The following ARRB1 variants were observed in gnomAD, a reference collection of about 807,000 sequenced individuals.
ARRB1 encodes beta-arrestin-1.
A neutral mutation model predicts 56.8 loss-of-function variants in ARRB1; 21 were observed. The observed-to-expected ratio is 0.37, with a 90% CI of 0.26 to 0.53. The LOEUF is 0.53. ARRB1 is among the 20% of genes least tolerant of loss of function. The probability of loss-of-function intolerance (pLI) is 0.88; values close to 1 mark genes in which losing one functional copy is unlikely to be tolerated. For synonymous variants in ARRB1, 210 were observed against 218.6 expected, an observed-to-expected ratio of 0.96 and a Z score of 0.35; for missense variants, 424 against 553.7, an observed-to-expected ratio of 0.77 and a Z score of 2.35.
intron 1 of ARRB1, among the ~76,000 whole-genome samples, chr11:75,346,365 G>C (rs1342891026): frequency 1.3e-5 from 2 of 152,122 alleles, no homozygotes; most frequent in East Asian, 3.8e-4. Context: ...ACAGGGCAGT[G>C]GTCTTCTGCC....
At chr11:75,269,968 C>T (rs1946039150) in intron 13 of ARRB1, among the ~76,000 whole-genome samples, 1 of 152,230 alleles carries the variant, frequency 6.6e-6, no homozygotes, top group Non-Finnish European at 1.5e-5. Flanking sequence ...TCCCACTGAT[C>T]TTGTTGTCCA....
chr11:75,326,123 G>A (rs1051744907), intron 1 of ARRB1, among the ~76,000 whole-genome samples: 1 of 152,196 alleles, frequency 6.6e-6, no homozygotes, highest in Non-Finnish European at 1.5e-5. Context: ...GGGAGGTGGT[G>A]CCTGCTCAGG....
intron 1 of ARRB1, among the ~76,000 whole-genome samples, chr11:75,340,974 G>A (rs1947684731): frequency 6.6e-6 from 1 of 152,110 alleles, no homozygotes; most frequent in Non-Finnish European, 1.5e-5. Flanking sequence ...CTTCCTTGGA[G>A]CTTCTCCGCT....
chr11:75,282,332 G>A (rs893860533), intron 5 of ARRB1, among the ~76,000 whole-genome samples: 1 of 152,194 alleles, frequency 6.6e-6, no homozygotes, highest in South Asian at 2.1e-4. Flanking sequence ...CCAAACCTGG[G>A]ACCTTAATGA....
chr11:75,323,979 G>A (rs769227236), intron 1 of ARRB1, among the ~76,000 whole-genome samples: 2 of 151,752 alleles, frequency 1.3e-5, no homozygotes, highest in East Asian at 2.0e-4. Context: ...AAAAAAAAAC[G>A]TATTCAAAAT....
intron 1 of ARRB1, among the ~76,000 whole-genome samples, chr11:75,327,159 G>A (rs1253562759): frequency 1.3e-5 from 2 of 151,628 alleles, no homozygotes; most frequent in Non-Finnish European, 1.5e-5. Flanking sequence ...AAAATTAGCT[G>A]GGCGCAGTGG....
chr11:75,302,035 T>G (rs1296047643), intron 1 of ARRB1, among the ~76,000 whole-genome samples: 3 of 152,276 alleles, frequency 2.0e-5, no homozygotes, highest in Middle Eastern at 3.4e-3. Flanking sequence ...CCAGGAAGCT[T>G]GGGCTCAGGG....
In ARRB1 at chr11:75,264,859, T is replaced by G. The variant is rs1186647507; in HGVS notation, c.*1304A>C. 6.6e-6 allele frequency: 1 copy of G among 152,296 alleles called. No individual in the cohort carries two copies. Among genetic ancestry groups the G allele is most frequent in the Non-Finnish European group, 1.5e-5 (1 of 68,122 alleles). The allele number at this position is 152,296 out of a possible 1,614,324, so 9.4% of individuals were successfully genotyped here. A position where few individuals can be genotyped will look rare whatever the true frequency, so the allele number is the denominator to read the frequency against. On this transcript the variant is annotated 3_prime_UTR_variant, in exon 16 of 16. Transcript: ENST00000420843. The stretch of plus-strand genomic sequence containing the variant: ...AAGGCCAGGCAAAGAGGATAACTCC[T>G]AACACTTTCTATCTCATCTCCCATC...
intron 1 of ARRB1, among the ~76,000 whole-genome samples, chr11:75,329,485 G>A (rs1341128845): frequency 6.6e-6 from 1 of 152,296 alleles, no homozygotes; most frequent in East Asian, 1.9e-4. Flanking sequence ...CCAGATTCTA[G>A]GGTGGGAGGA....
chr11:75,311,725 A>G (rs866474553), intron 1 of ARRB1, among the ~76,000 whole-genome samples: 3 of 152,234 alleles, frequency 2.0e-5, no homozygotes, highest in African/African-American at 7.2e-5. Context: ...CAGGGCAAAC[A>G]AACGGTGACT....
intron 7 of ARRB1, among the ~76,000 whole-genome samples, chr11:75,279,893 C>T (rs1045198316): frequency 6.6e-6 from 1 of 152,156 alleles, no homozygotes; most frequent in Admixed American, 6.5e-5. Flanking sequence ...GTCTGGAACT[C>T]CTGGCCTCAA....
intron 1 of ARRB1, among the ~76,000 whole-genome samples, chr11:75,294,661 A>G (rs924109047): frequency 1.3e-5 from 2 of 152,160 alleles, no homozygotes; most frequent in African/African-American, 2.4e-5. Context: ...AAATATAAGC[A>G]TGCACTGCAG....
At chr11:75,280,304 A>G (rs950084663) in intron 7 of ARRB1, among the ~76,000 whole-genome samples, 10 of 152,200 alleles carry the variant, frequency 6.6e-5, no homozygotes, top group African/African-American at 2.2e-4. Flanking sequence ...AGGGCTGCAG[A>G]TGCAAATGCA....
rs958162832 is a variant in ARRB1 at position 75,316,675 on chromosome 11, A to G, written c.21-26636T>C. Among the ~76,000 whole-genome samples, 3 of 152,270 alleles carry G rather than the reference A, an allele frequency of 2.0e-5. No homozygotes were observed. The East Asian group carries it at 5.8e-4, about 29-fold the overall frequency. On this transcript the variant is annotated intron_variant, in intron 1 of 15. Coordinates refer to ENST00000420843, the MANE Select transcript of ARRB1 (RefSeq NM_004041.5). ...CTCACCCCTGTAATCCCAGCAACTC[A>G]GAAGACACAGGCAGGAGAATCATTT...
chr11:75,337,858 T>C (rs1947632243), intron 1 of ARRB1, among the ~76,000 whole-genome samples: 1 of 126,168 alleles, frequency 7.9e-6, no homozygotes, highest in African/African-American at 3.0e-5. Context: ...TGGAGTGCAA[T>C]GGTGCTCAAG....
In ARRB1 at chr11:75,311,944, C is replaced by T. The variant is rs1387960855; in HGVS notation, c.21-21905G>A. The T allele has an allele frequency of 1.6e-5, 16 of 970,438 alleles. 1 individual carries two copies. Among genetic ancestry groups the T allele is most frequent in the Non-Finnish European group, 2.1e-5 (15 of 712,732 alleles). 60.1% of individuals were successfully genotyped at this position (970,438 alleles called of 1,614,324 possible). The stretch of plus-strand genomic sequence containing the variant: ...AAGGGGCTGGCTGAGAGGGGACGGC[C>T]GGCAGAGGAACCAAGCAGCAGGGCC... On this transcript the variant is annotated intron_variant, in intron 1 of 15. Coordinates refer to ENST00000420843, the MANE Select transcript of ARRB1 (RefSeq NM_004041.5).
At chr11:75,269,307 CA>C in intron 13 of ARRB1, 1 of 435,298 alleles carries the variant, frequency 2.3e-6, no homozygotes, top group South Asian at 1.8e-5. Flanking sequence ...GACCCCCCCC[CA>C]CCTCAAATCG....
intron 7 of ARRB1, among the ~76,000 whole-genome samples, chr11:75,279,973 C>T (rs1432326533): frequency 2.6e-5 from 4 of 152,292 alleles, no homozygotes; most frequent in South Asian, 2.1e-4. Context: ...CCAGCAAGGA[C>T]GTACTTCTTA....
intron 1 of ARRB1, among the ~76,000 whole-genome samples, chr11:75,315,340 C>G (rs996919790): frequency 1.3e-5 from 2 of 152,138 alleles, no homozygotes; most frequent in Non-Finnish European, 2.9e-5. Flanking sequence ...CCCACACCCA[C>G]ATGGGCTACA....
Sources: gnomAD v4.1 joint callset for allele counts (sites outside exome capture counted in the v4.1 genomes callset) on GRCh38, gnomAD v4.1.1 for gene constraint, MANE v1.5 for transcripts, NCBI Gene and HGNC (gene_info 2026-07-23, HGNC 2026-07-21) for gene names.